Variants in TRAF3IP2 observed in about 807,000 individuals in gnomAD.
The protein encoded by TRAF3IP2 is TRAF3 interacting protein 2.
In TRAF3IP2, 35 loss-of-function variants were observed where a neutral mutation model predicts 57.9. That is an observed-to-expected ratio of 0.60 (90% CI 0.46 to 0.80). TRAF3IP2 has a LOEUF of 0.80. Among genes scored for constraint, TRAF3IP2 ranks in the 30% least tolerant of loss-of-function variants. TRAF3IP2 has a pLI of 0.00. For synonymous variants in TRAF3IP2, 251 were observed against 268.9 expected, an observed-to-expected ratio of 0.93 and a Z score of 0.65; for missense variants, 556 against 706.4, an observed-to-expected ratio of 0.79 and a Z score of 2.41.
intron 7 of TRAF3IP2, among the ~76,000 whole-genome samples, chr6:111,563,625 A>C (rs1161894939): frequency 6.6e-6 from 1 of 152,202 alleles, no homozygotes; most frequent in Non-Finnish European, 1.5e-5. Flanking sequence ...GTTACAAAAG[A>C]GGGTTCATTT....
intron 2 of TRAF3IP2, among the ~76,000 whole-genome samples, chr6:111,588,413 C>G (rs1796405375): frequency 6.6e-6 from 1 of 152,148 alleles, no homozygotes; most frequent in Non-Finnish European, 1.5e-5. Context: ...TGTTCCCAGT[C>G]AGGAGTGTTT....
rs564244030 is a variant in TRAF3IP2, at chr6:111,596,656, G to A, written c.-8-4562C>T. On this transcript the variant is annotated intron_variant, in intron 1 of 8. Coordinates refer to ENST00000368761, the MANE Select transcript of TRAF3IP2 (RefSeq NM_147686.4). Reference sequence around the variant, plus strand: ...TTTAGTAGAGACAGAGTTTCACCACGTTGGCCAGACTGGTCTCAAACTCCT... The same window carrying A: ...TTTAGTAGAGACAGAGTTTCACCACATTGGCCAGACTGGTCTCAAACTCCT... Among the ~76,000 whole-genome samples, 8 of 152,270 alleles carry A rather than the reference G, an allele frequency of 5.3e-5. No homozygotes were observed. In the East Asian group the frequency reaches 5.8e-4, roughly 11 times the overall value.
At chr6:111,577,333 T>C (rs1796021283) in intron 3 of TRAF3IP2, among the ~76,000 whole-genome samples, 1 of 152,212 alleles carries the variant, frequency 6.6e-6, no homozygotes. Context: ...ACCATGGAAA[T>C]TAATGACAGA....
chr6:111,571,400 T>C (rs1273737671), intron 5 of TRAF3IP2, among the ~76,000 whole-genome samples: 3 of 151,962 alleles, frequency 2.0e-5, no homozygotes, highest in African/African-American at 7.2e-5. Context: ...TTAGTCGTGA[T>C]GGGGTTTCCC....
Position 111,563,056 on chromosome 6 carries a change from G to A in TRAF3IP2, c.1477-17C>T. The A allele has an allele frequency of 6.3e-7, 1 of 1,592,286 alleles. No individual in the cohort carries two copies. Among genetic ancestry groups the A allele is most frequent in the Non-Finnish European group, 8.6e-7 (1 of 1,161,892 alleles). The stretch of plus-strand genomic sequence containing the variant: ...AATCTGCATCTGAAACCAAACAAAT[G>A]TGAAGGTTTAATTTCAGGAATGAGG... On this transcript the variant is annotated splice_polypyrimidine_tract_variant and intron_variant, in intron 7 of 8. Transcript: ENST00000368761.
At chr6:111,604,422 C>G (rs1796962435) in intron 1 of TRAF3IP2, among the ~76,000 whole-genome samples, 1 of 152,250 alleles carries the variant, frequency 6.6e-6, no homozygotes, top group Non-Finnish European at 1.5e-5. Context: ...ACAGCAGTAA[C>G]TCTGGCTTCT....
intron 5 of TRAF3IP2, among the ~76,000 whole-genome samples, chr6:111,569,620 G>T (rs1452495879): frequency 2.0e-5 from 3 of 152,124 alleles, no homozygotes; most frequent in Non-Finnish European, 2.9e-5. Context: ...GCTGAGCTTG[G>T]TGGCAGGTGC....
At position 111,580,226 on chromosome 6, in the gene TRAF3IP2, G is replaced by A. The variant is rs562058180; in HGVS notation, c.993C>T (p.Asp331=). ...GCCTTGGAAGCCCCGGAAAGGAGCAGTCTCTCTGTGCGGGCCTCTCTTCGT... is the reference window on the plus strand; with the variant it reads ...GCCTTGGAAGCCCCGGAAAGGAGCAATCTCTCTGTGCGGGCCTCTCTTCGT... The part of the protein sequence containing the change: ...WDHEERPAQR[D]CSFPGLPRHQ... Residue 331 remains aspartate (D), a synonymous_variant, in exon 3 of 9, where the codon GAC becomes GAT. Transcript: ENST00000368761. The A allele has an allele frequency of 1.9e-6, 3 of 1,614,232 alleles. No homozygotes were observed. The Admixed American group carries it at 5.0e-5, about 27-fold the overall frequency.
At chr6:111,566,005 C>T (rs1795623560) in intron 7 of TRAF3IP2, among the ~76,000 whole-genome samples, 1 of 152,156 alleles carries the variant, frequency 6.6e-6, no homozygotes. Context: ...TTTAACCAGG[C>T]CCACATGATG....
At chr6:111,594,495 AAT>A in intron 1 of TRAF3IP2, 1 of 452,742 alleles carries the variant, frequency 2.2e-6, no homozygotes, top group South Asian at 1.6e-5. Flanking sequence ...AAAAGTTGCA[AAT>A]TCTACTCTTC....
At chr6:111,602,616 T>C (rs1224838001) in intron 1 of TRAF3IP2, among the ~76,000 whole-genome samples, 1 of 151,948 alleles carries the variant, frequency 6.6e-6, no homozygotes, top group African/African-American at 2.4e-5. Context: ...GAAGGGGCAG[T>C]TGGAAGAGAA....
intron 3 of TRAF3IP2, among the ~76,000 whole-genome samples, chr6:111,579,248 C>T (rs1405194063): frequency 1.5e-5 from 2 of 133,218 alleles, no homozygotes; most frequent in Non-Finnish European, 3.1e-5. Context: ...ACCCAGGAGG[C>T]GGAGGTTGCA....
rs374520422 is a variant in TRAF3IP2, at chr6:111,555,736, G to A, written c.*3669C>T. On this transcript the variant is annotated 3_prime_UTR_variant, in exon 9 of 9. Transcript: ENST00000368761. ...ACCCCAAAAATATCTAAAGATGAAT[G>A]CCTGAGGACCAGCATAACATCTAAA... 1.8e-4 allele frequency among the ~76,000 whole-genome samples: 27 copies of A among 152,256 alleles called. No homozygotes were observed. In the East Asian group the frequency reaches 5.0e-3, roughly 28 times the overall value.
intron 2 of TRAF3IP2, among the ~76,000 whole-genome samples, chr6:111,588,487 C>T (rs1428553806): frequency 6.6e-6 from 1 of 152,328 alleles, no homozygotes; most frequent in South Asian, 2.1e-4. Context: ...TTGCCAATGG[C>T]GCTGTTTCAG....
At chr6:111,601,285 T>C in intron 1 of TRAF3IP2, 1 of 734,150 alleles carries the variant, frequency 1.4e-6, no homozygotes. Flanking sequence ...CTTCACGCCA[T>C]CACAAGAGGA....
chr6:111,593,618 T>C (rs1796586050), intron 1 of TRAF3IP2, among the ~76,000 whole-genome samples: 1 of 152,180 alleles, frequency 6.6e-6, no homozygotes, highest in African/African-American at 2.4e-5. Flanking sequence ...CTCTGTTTTC[T>C]GACGCAACAG....
Position 111,566,569 on chromosome 6 carries a change from G to A in TRAF3IP2, c.1360-9C>T. ...ATTATCATCACGGTCTTCTGTTAATGAGAGGGAGAAAGGCATGTTTATGGA... is the reference window on the plus strand; with the variant it reads ...ATTATCATCACGGTCTTCTGTTAATAAGAGGGAGAAAGGCATGTTTATGGA... On this transcript the variant is annotated splice_polypyrimidine_tract_variant and intron_variant, in intron 6 of 8. Transcript: ENST00000368761. 1.9e-6 allele frequency: 3 copies of A among 1,610,924 alleles called. No homozygotes were observed. Among genetic ancestry groups the A allele is most frequent in the Admixed American group, 1.7e-5 (1 of 60,022 alleles).
intron 1 of TRAF3IP2, chr6:111,597,931 G>T (rs1329081623): frequency 2.2e-6 from 1 of 455,644 alleles, no homozygotes; most frequent in Non-Finnish European, 4.4e-6. Context: ...GAAAAGCCCT[G>T]TTTTCCAGCC....
intron 8 of TRAF3IP2, among the ~76,000 whole-genome samples, chr6:111,562,414 G>T (rs747947795): frequency 6.6e-6 from 1 of 152,104 alleles, no homozygotes; most frequent in Non-Finnish European, 1.5e-5. Flanking sequence ...CTACATCTTT[G>T]TGTGCAACGG....
Sources: gnomAD v4.1 joint callset for allele counts (sites outside exome capture counted in the v4.1 genomes callset) on GRCh38, gnomAD v4.1.1 for gene constraint, MANE v1.5 for transcripts, NCBI Gene and HGNC (gene_info 2026-07-23, HGNC 2026-07-21) for gene names.